The following CACNA1E variants were observed in gnomAD, a reference collection of about 807,000 sequenced individuals.
CACNA1E encodes the protein voltage-dependent R-type calcium channel subunit alpha-1E.
In CACNA1E, 40 loss-of-function variants were observed where a neutral mutation model predicts 259.2. That is an observed-to-expected ratio of 0.15 (90% CI 0.12 to 0.20). The LOEUF (loss-of-function observed/expected upper bound fraction) is 0.20. Among genes scored for constraint, CACNA1E ranks in the 10% least tolerant of loss-of-function variants. The probability of loss-of-function intolerance (pLI) is 1.00; values close to 1 mark genes in which losing one functional copy is unlikely to be tolerated. For missense variants in CACNA1E, 1,874 were observed against 3,040.1 expected (o/e 0.62, Z 9.02); for synonymous variants, 1,104 against 1,138.5 (o/e 0.97, Z 0.61).
chr1:181,696,424 T>A (rs1651712877), intron 7 of CACNA1E, among the ~76,000 whole-genome samples: 1 of 152,212 alleles, frequency 6.6e-6, no homozygotes. Context: ...CAGCATTAGG[T>A]AGAAATATAC....
intron 2 of CACNA1E, among the ~76,000 whole-genome samples, chr1:181,476,804 C>T (rs1404422105): frequency 2.0e-5 from 3 of 152,138 alleles, no homozygotes; most frequent in Non-Finnish European, 4.4e-5. Context: ...TCTGCTCACC[C>T]CCATCAGTGG....
At chr1:181,736,211 C>T (rs1378816151) in intron 21 of CACNA1E, 64 bp from the exon 22 acceptor site, 1 of 1,521,728 alleles carries the variant, frequency 6.6e-7, no homozygotes, top group South Asian at 1.3e-5. Context: ...CCCAACTAAA[C>T]ACAAATGGTG....
intron 25 of CACNA1E, among the ~76,000 whole-genome samples, chr1:181,745,575 A>C (rs1657001577): frequency 6.6e-6 from 1 of 152,084 alleles, no homozygotes; most frequent in African/African-American, 2.4e-5. Context: ...TCCAGATTTA[A>C]AAGTAGATTT....
chr1:181,732,401 G>C lies in CACNA1E; in HGVS notation c.2315G>C (p.Arg772Pro). The change falls in exon 20 of 48, where the codon CGG becomes CCG. Residue 772 changes from arginine (R) to proline (P), a missense_variant. Around this residue, in one of 14 missense-constraint regions of CACNA1E, gnomAD observed 476 missense variants for 514.0 expected, o/e 0.93. Transcript: ENST00000367573. The surrounding 1 kb of genome is among the most constrained non-coding windows in gnomAD (Gnocchi z 5.5). ...RSSHLRERRR[R>P]HHMSVWEQRT... ...CTTGGCAGGAGGGAGCGGAGGCGCC[G>C]GCACCACATGTCCGTGTGGGAGCAG... is the stretch of plus-strand genomic sequence containing the variant. 6.5e-7 allele frequency: 1 copy of C among 1,532,718 alleles called. No individual in the cohort carries two copies. The highest frequency in any genetic ancestry group is 2.5e-5 in the East Asian group (1 of 40,802). 94.9% of individuals were successfully genotyped at this position (1,532,718 alleles called of 1,614,324 possible).
chr1:181,773,326 C>T (rs772849130), intron 37 of CACNA1E, among the ~76,000 whole-genome samples: 12 of 152,114 alleles, frequency 7.9e-5, no homozygotes, highest in Non-Finnish European at 1.3e-4. Flanking sequence ...TGGCTTTGTT[C>T]CTCTGCTAGC....
At chr1:181,329,958 G>GGGA (rs1331334726) in intron 1 of CACNA1E, among the ~76,000 whole-genome samples, 3 of 152,192 alleles carry the variant, frequency 2.0e-5, no homozygotes, top group Non-Finnish European at 4.4e-5. Context: ...GGGAGTGGAG[G>GGGA]GGAGTAGGGG....
At chr1:181,739,090 G>A in intron 24 of CACNA1E, 57 bp from the exon 25 acceptor site, 2 of 1,003,304 alleles carry the variant, frequency 2.0e-6, no homozygotes, top group East Asian at 2.4e-5. Flanking sequence ...ACAGAGCTCA[G>A]GTCAAGTGTT....
At chr1:181,499,483 C>A (rs1044851370) in intron 1 of CACNA1E, among the ~76,000 whole-genome samples, 1 of 152,162 alleles carries the variant, frequency 6.6e-6, no homozygotes. Flanking sequence ...TCATTCCTTT[C>A]CTGGTCTCAG....
chr1:181,594,815 G>T (rs754774618), intron 6 of CACNA1E, among the ~76,000 whole-genome samples: 2 of 152,182 alleles, frequency 1.3e-5, no homozygotes, highest in Non-Finnish European at 2.9e-5. Flanking sequence ...TCAGTACTTA[G>T]TGCATACAAT....
chr1:181,496,330 A>C (rs1461311612), intron 1 of CACNA1E, among the ~76,000 whole-genome samples: 1 of 152,228 alleles, frequency 6.6e-6, no homozygotes, highest in Non-Finnish European at 1.5e-5. Context: ...TATAACCTTA[A>C]CAGACTCACT....
chr1:181,349,543 C>T (rs906761595), intron 1 of CACNA1E, among the ~76,000 whole-genome samples: 4 of 152,072 alleles, frequency 2.6e-5, no homozygotes, highest in African/African-American at 7.2e-5. Flanking sequence ...AACTGAAGCC[C>T]GAAGGAAGGT....
chr1:181,705,249 C>T (rs1278903830), intron 7 of CACNA1E, among the ~76,000 whole-genome samples: 1 of 152,206 alleles, frequency 6.6e-6, no homozygotes, highest in Non-Finnish European at 1.5e-5. Context: ...CCTCCAGGCA[C>T]ACATGATAAA....
intron 29 of CACNA1E, 109 bp from the exon 30 acceptor site, chr1:181,756,816 G>C (rs1356954033): frequency 2.7e-6 from 2 of 753,326 alleles, no homozygotes; most frequent in Non-Finnish European, 4.6e-6. Context: ...ATTAATGGAG[G>C]ATCTGCAAAG....
intron 3 of CACNA1E, among the ~76,000 whole-genome samples, chr1:181,529,342 C>T (rs999853657): frequency 7.2e-5 from 11 of 152,244 alleles, no homozygotes; most frequent in Non-Finnish European, 1.3e-4. Context: ...CAGAAGTTTG[C>T]TGCAGGGGCA....
At chr1:181,532,638 G>A (rs1667870556) in intron 3 of CACNA1E, among the ~76,000 whole-genome samples, 1 of 152,240 alleles carries the variant, frequency 6.6e-6, no homozygotes, top group South Asian at 2.1e-4. Context: ...GGTTGGATTT[G>A]TCAGTGAACT....
chr1:181,365,134 C>T (rs959607335), intron 1 of CACNA1E, among the ~76,000 whole-genome samples: 1 of 152,168 alleles, frequency 6.6e-6, no homozygotes, highest in African/African-American at 2.4e-5. Context: ...AAGGTGAGGA[C>T]AGCCTGCTAT....
chr1:181,746,995 T>G (rs1196676834), intron 25 of CACNA1E, among the ~76,000 whole-genome samples: 3 of 152,256 alleles, frequency 2.0e-5, no homozygotes, highest in Non-Finnish European at 4.4e-5. Flanking sequence ...TAATGTCTGC[T>G]ATAGTGCCAA....
At chr1:181,791,320 A>T (rs1246717738) in intron 44 of CACNA1E, among the ~76,000 whole-genome samples, 1 of 152,282 alleles carries the variant, frequency 6.6e-6, no homozygotes, top group East Asian at 1.9e-4. Flanking sequence ...AAATACAAAA[A>T]AAATTATCCA....
chr1:181,721,814 T>C lies in CACNA1E; in HGVS notation c.2013T>C (p.Gly671=), dbSNP rs1654439311. The part of the protein sequence containing the change: ...EVMYNGIRSQ[G]GVSSGMWSAI... ...TGTACAATGGGATCCGCTCCCAGGG[T>C]GGGGTCAGCTCAGGCATGTGGTCTG... is the stretch of plus-strand genomic sequence containing the variant. Residue 671 remains glycine (G), a synonymous_variant, in exon 16 of 48, where the codon GGT becomes GGC. Coordinates refer to ENST00000367573, the MANE Select transcript of CACNA1E (RefSeq NM_001205293.3). 1 of 1,613,370 alleles carries C rather than the reference T, an allele frequency of 6.2e-7. No individual in the cohort carries two copies. Among genetic ancestry groups the C allele is most frequent in the Admixed American group, 1.7e-5 (1 of 59,972 alleles).
Sources: allele counts gnomAD v4.1 joint callset (sites outside exome capture counted in the v4.1 genomes callset), GRCh38; gene constraint gnomAD v4.1.1; regional missense constraint gnomAD v4.1.1; non-coding constraint Gnocchi (gnomAD v3.1); transcripts MANE v1.5; gene names NCBI Gene and HGNC (gene_info 2026-07-23, HGNC 2026-07-21).